Variants in KCND2 observed in about 807,000 individuals in gnomAD.
KCND2 encodes A-type voltage-gated potassium channel KCND2.
A neutral mutation model predicts 54.4 loss-of-function variants in KCND2; 16 were observed. That is an observed-to-expected ratio of 0.29 (90% CI 0.20 to 0.45). The LOEUF (loss-of-function observed/expected upper bound fraction) is 0.45, where lower values mean the gene tolerates loss of function less well. Among genes scored for constraint, KCND2 ranks in the 20% least tolerant of loss-of-function variants. KCND2 has a pLI of 1.00. For missense variants in KCND2, 486 were observed against 824.2 expected, an observed-to-expected ratio of 0.59 and a Z score of 5.02; for synonymous variants, 317 against 310.7, an observed-to-expected ratio of 1.02 and a Z score of -0.21.
intron 1 of KCND2, among the ~76,000 whole-genome samples, chr7:120,611,155 A>G (rs1014215105): frequency 1.3e-5 from 2 of 152,206 alleles, no homozygotes; most frequent in Non-Finnish European, 2.9e-5. Flanking sequence ...GTCTACCCCG[A>G]TGACAAATAT....
chr7:120,726,355 A>C (rs944330259), intron 1 of KCND2, among the ~76,000 whole-genome samples: 1 of 152,210 alleles, frequency 6.6e-6, no homozygotes, highest in Non-Finnish European at 1.5e-5. Flanking sequence ...TGCTATTTGC[A>C]AACATTACAG....
At chr7:120,308,966 A>G (rs1799688010) in intron 1 of KCND2, among the ~76,000 whole-genome samples, 1 of 152,220 alleles carries the variant, frequency 6.6e-6, no homozygotes, top group South Asian at 2.1e-4. Flanking sequence ...GGGACAGAAG[A>G]TAACAGCAAA....
At chr7:120,725,130 G>C (rs918000582) in intron 1 of KCND2, among the ~76,000 whole-genome samples, 5 of 152,142 alleles carry the variant, frequency 3.3e-5, no homozygotes, top group African/African-American at 1.2e-4. Flanking sequence ...AAAGAACGCA[G>C]TCAGTAAGCC....
At chr7:120,571,711 T>G (rs1279615061) in intron 1 of KCND2, among the ~76,000 whole-genome samples, 1 of 152,176 alleles carries the variant, frequency 6.6e-6, no homozygotes, top group Non-Finnish European at 1.5e-5. Context: ...CAATATACAT[T>G]ACCTAAACAT....
chr7:120,744,530 C>T (rs899146182), intron 4 of KCND2, among the ~76,000 whole-genome samples: 1 of 152,046 alleles, frequency 6.6e-6, no homozygotes, highest in Non-Finnish European at 1.5e-5. Flanking sequence ...ATCTTTTGTG[C>T]ACCATTTTTT....
intron 1 of KCND2, among the ~76,000 whole-genome samples, chr7:120,507,357 C>T (rs75166511): frequency 0.028 from 4,207 of 151,960 alleles, 89 homozygotes; most frequent in Non-Finnish European, 0.046. Flanking sequence ...GTTACCCTCA[C>T]TACCTGTTCT....
chr7:120,474,749 A>G (rs1334100454), intron 1 of KCND2, among the ~76,000 whole-genome samples: 3 of 152,158 alleles, frequency 2.0e-5, no homozygotes, highest in Non-Finnish European at 2.9e-5. Flanking sequence ...CCTCAGCACG[A>G]ATGCCCTCAT....
At chr7:120,284,968 T>C (rs1031221412) in intron 1 of KCND2, among the ~76,000 whole-genome samples, 2 of 152,180 alleles carry the variant, frequency 1.3e-5, no homozygotes, top group African/African-American at 4.8e-5. Flanking sequence ...ATTTTATTTG[T>C]AATTTTTAAT....
chr7:120,451,234 G>C (rs1310069606), intron 1 of KCND2, among the ~76,000 whole-genome samples: 1 of 152,098 alleles, frequency 6.6e-6, no homozygotes, highest in African/African-American at 2.4e-5. Context: ...GAATCTATAG[G>C]AGGAAAAAGG....
intron 1 of KCND2, among the ~76,000 whole-genome samples, chr7:120,602,316 T>G (rs1194977874): frequency 6.6e-6 from 1 of 152,166 alleles, no homozygotes; most frequent in Non-Finnish European, 1.5e-5. Flanking sequence ...TTACCTCTGT[T>G]TTTTCCACAA....
At chr7:120,544,884 T>TA (rs1792024723) in intron 1 of KCND2, among the ~76,000 whole-genome samples, 1 of 151,914 alleles carries the variant, frequency 6.6e-6, no homozygotes, top group Non-Finnish European at 1.5e-5. Context: ...ATACTGAGTC[T>TA]AAGACTGCTG....
intron 1 of KCND2, among the ~76,000 whole-genome samples, chr7:120,535,612 C>A (rs2116371301): frequency 6.6e-6 from 1 of 152,292 alleles, no homozygotes; most frequent in Middle Eastern, 3.4e-3. Flanking sequence ...TGCTGTCATG[C>A]ACTGCTCACA....
At chr7:120,395,839 G>A (rs1284984734) in intron 1 of KCND2, among the ~76,000 whole-genome samples, 1 of 151,902 alleles carries the variant, frequency 6.6e-6, no homozygotes, top group Non-Finnish European at 1.5e-5. Flanking sequence ...ACAGTCTCCT[G>A]GGGTTGCTGG....
chr7:120,624,159 T>C (rs1235587941), intron 1 of KCND2, among the ~76,000 whole-genome samples: 1 of 152,226 alleles, frequency 6.6e-6, no homozygotes, highest in Non-Finnish European at 1.5e-5. Context: ...TCAATTAAGC[T>C]TCCAGGATTT....
intron 1 of KCND2, among the ~76,000 whole-genome samples, chr7:120,509,246 A>G (rs1803076426): frequency 6.6e-6 from 1 of 151,982 alleles, no homozygotes. Context: ...TATTAGGTAA[A>G]AAACGTAAAC....
intron 1 of KCND2, among the ~76,000 whole-genome samples, chr7:120,446,353 A>G (rs931935390): frequency 6.6e-6 from 1 of 152,206 alleles, no homozygotes; most frequent in South Asian, 2.1e-4. Flanking sequence ...CTTTTGTGAC[A>G]TCTTGCAGTT....
intron 1 of KCND2, among the ~76,000 whole-genome samples, chr7:120,319,027 G>T (rs940447351): frequency 3.9e-5 from 6 of 151,910 alleles, no homozygotes; most frequent in African/African-American, 9.7e-5. Context: ...CAACAGATTT[G>T]CTCAGTTTTC....
intron 1 of KCND2, among the ~76,000 whole-genome samples, chr7:120,692,430 T>C (rs1010734678): frequency 6.6e-6 from 1 of 152,200 alleles, no homozygotes; most frequent in African/African-American, 2.4e-5. Flanking sequence ...GTCCATAATA[T>C]AGTCATTTAC....
intron 1 of KCND2, among the ~76,000 whole-genome samples, chr7:120,378,399 T>C (rs183213432): frequency 3.3e-5 from 5 of 152,100 alleles, no homozygotes; most frequent in Admixed American, 2.6e-4. Flanking sequence ...TTATAGATTT[T>C]CCATGATTAA....
Sources: allele counts gnomAD v4.1 joint callset (sites outside exome capture counted in the v4.1 genomes callset), GRCh38; gene constraint gnomAD v4.1.1; transcripts MANE v1.5; gene names NCBI Gene and HGNC (gene_info 2026-07-23, HGNC 2026-07-21).